The following PROM1 variants were observed in gnomAD, a reference collection of about 807,000 sequenced individuals.
PROM1 encodes the protein prominin 1.
Under a neutral mutation model 116.9 loss-of-function variants are expected in PROM1, and 105 were observed. The observed-to-expected ratio is 0.90, with a 90% confidence interval of 0.77 to 1.06. The LOEUF (loss-of-function observed/expected upper bound fraction) is 1.06. Ranked by LOEUF, PROM1 falls within the 50% of genes least tolerant of loss-of-function variation. PROM1 has a pLI of 0.00. For missense variants in PROM1, 1,122 were observed against 1,045.2 expected (o/e 1.07, Z -1.01); for synonymous variants, 393 against 387.0 (o/e 1.02, Z -0.18).
chr4:16,073,269 G>A (rs1008002107), intron 2 of PROM1, among the ~76,000 whole-genome samples: 2 of 152,184 alleles, frequency 1.3e-5, no homozygotes, highest in African/African-American at 2.4e-5. Context: ...GAAGTCTTGT[G>A]TTTGGTTAAT....
In PROM1 at chr4:15,990,793, C is replaced by A. The variant is rs117345434; in HGVS notation, c.1983+429G>T. On this transcript the variant is annotated intron_variant, in intron 18 of 27. Coordinates refer to ENST00000447510, the MANE Select transcript of PROM1 (RefSeq NM_006017.3). ...ACAGCTAACCATTGCCATGGCAACA[C>A]TGGGAAGTTACCACTCATTTTCTAG... Among the ~76,000 whole-genome samples the A allele has an allele frequency of 4.7e-3, 711 of 152,370 alleles. 28 individuals are homozygous for A. The East Asian group carries it at 0.11, about 23-fold the overall frequency.
intron 2 of PROM1, among the ~76,000 whole-genome samples, chr4:16,042,866 G>A (rs28658318): frequency 0.17 from 26,534 of 152,056 alleles, 3,552 homozygotes; most frequent in African/African-American, 0.37. Flanking sequence ...GTACCTCAAC[G>A]GGAGCAACCC....
intron 2 of PROM1, among the ~76,000 whole-genome samples, chr4:16,052,064 G>A (rs891938533): frequency 6.6e-6 from 1 of 152,298 alleles, no homozygotes; most frequent in African/African-American, 2.4e-5. Flanking sequence ...CAGCTTCTCT[G>A]TTGGATCTAT....
intron 24 of PROM1, 119 bp from the exon 25 acceptor site, chr4:15,980,023 AC>A: frequency 1.5e-6 from 1 of 667,214 alleles, no homozygotes; most frequent in Non-Finnish European, 2.5e-6. Context: ...CTCAGGAAAG[AC>A]CCATGTTGAA....
chr4:16,053,405 T>C (rs1238981229), intron 2 of PROM1, among the ~76,000 whole-genome samples: 2 of 152,242 alleles, frequency 1.3e-5, no homozygotes, highest in Non-Finnish European at 2.9e-5. Context: ...TGACTCAGTT[T>C]TGGAGAAAAA....
In PROM1 at chr4:16,029,360, GT is replaced by G. The variant is rs34482141; in HGVS notation, c.509+3943del. 3.4e-4 allele frequency among the ~76,000 whole-genome samples: 51 copies of G among 149,812 alleles called. No individual in the cohort carries two copies. In the South Asian group the frequency reaches 8.4e-3, roughly 25 times the overall value. On this transcript the variant is annotated intron_variant, in intron 5 of 27. Coordinates refer to ENST00000447510, the MANE Select transcript of PROM1 (RefSeq NM_006017.3). ...AACATACAAAGGAAGTCAAGTCATG[GT>G]TTTTTTTTTTCCTTCCATAACCTTT...
At position 15,989,901 on chromosome 4, in the gene PROM1, G is replaced by A. The variant is rs1176435599; in HGVS notation, c.1984-77C>T. 5.1e-6 allele frequency: 6 copies of A among 1,168,804 alleles called. No individual in the cohort carries two copies. The East Asian group carries it at 1.5e-4, about 30-fold the overall frequency. The allele number at this position is 1,168,804 out of a possible 1,614,324, so 72.4% of individuals were successfully genotyped here. A position where few individuals can be genotyped will look rare whatever the true frequency, so the allele number is the denominator to read the frequency against. On this transcript the variant is annotated intron_variant, in intron 18 of 27. Coordinates refer to ENST00000447510, the MANE Select transcript of PROM1 (RefSeq NM_006017.3). ...CACTCTCGCTATCCTCAGGGGCCCT[G>A]TGTAGCCAGGAGGGCTGCCATGACA...
intron 23 of PROM1, among the ~76,000 whole-genome samples, chr4:15,982,806 G>C (rs1718308888): frequency 6.6e-6 from 1 of 152,208 alleles, no homozygotes; most frequent in Non-Finnish European, 1.5e-5. Flanking sequence ...AAAAGTAGTT[G>C]CAAGAAGAAG....
At position 15,984,354 on chromosome 4, in the gene PROM1, A is replaced by C. The variant is rs1305285858; in HGVS notation, c.2282T>G (p.Ile761Ser). ...EHYLQWIEFSISEKVASCKPV... is the reference protein window; with the variant it reads ...EHYLQWIEFSSSEKVASCKPV... ...TTTGCACGATGCCACTTTCTCACTG[A>C]TCTAGGGGGGTGGAAACACAGGGAA... Residue 761 changes from isoleucine (I) to serine (S), a missense_variant and splice_region_variant, in exon 23 of 28, where the codon ATC becomes AGC. Transcript: ENST00000447510. 1 of 1,571,874 alleles carries C rather than the reference A, an allele frequency of 6.4e-7. No individual in the cohort carries two copies. Among genetic ancestry groups the C allele is most frequent in the Non-Finnish European group, 8.6e-7 (1 of 1,157,944 alleles).
chr4:16,025,073 C>A (rs17478392), intron 6 of PROM1, 119 bp downstream of exon 6: 10 of 1,225,938 alleles, frequency 8.2e-6, no homozygotes, highest in African/African-American at 1.5e-5. Context: ...ACAGATAACA[C>A]CAGTCTACGC....
chr4:16,000,605 C>T lies in PROM1; in HGVS notation c.1469G>A (p.Ser490Asn), dbSNP rs201027172. Residue 490 changes from serine (S) to asparagine (N), a missense_variant, in exon 14 of 28, where the codon AGT (serine) becomes AAT (asparagine). By Grantham distance (46) the Ser-to-Asn change is conservative. Coordinates refer to ENST00000447510, the MANE Select transcript of PROM1 (RefSeq NM_006017.3). ...GVFLMVGVGL[S>N]FLFCWILMII... is the part of the protein sequence containing the mutation. Reference sequence around the variant, plus strand: ...CATCAATATCCAGCAAAAGAGGAAACTTAATCCAACTCCACTGGAAAAAAA... The same window carrying T: ...CATCAATATCCAGCAAAAGAGGAAATTTAATCCAACTCCACTGGAAAAAAA... The T allele has an allele frequency of 9.7e-5, 152 of 1,567,146 alleles. 2 individuals are homozygous for T. In the African/African-American group the frequency reaches 1.9e-3, roughly 20 times the overall value.
intron 13 of PROM1, among the ~76,000 whole-genome samples, chr4:16,004,810 T>TCTTTCTTTCTTTCTTTC (rs1491303871): frequency 9.6e-4 from 78 of 81,256 alleles, no homozygotes; most frequent in African/African-American, 3.6e-3. Context: ...AGCTAATCTT[T>TCTTTCTTTCTTTCTTTC]CTTTCTTTCT....
At chr4:16,019,915 G>C (rs1829271) in intron 8 of PROM1, among the ~76,000 whole-genome samples, 11 of 152,020 alleles carry the variant, frequency 7.2e-5, no homozygotes, top group African/African-American at 2.7e-4. Context: ...AAATGTTTCC[G>C]TGTTGAGTCT....
At position 16,075,797 on chromosome 4, in the gene PROM1, G is replaced by C; in HGVS notation, c.110C>G (p.Pro37Arg). 1 of 1,613,780 alleles carries C rather than the reference G, an allele frequency of 6.2e-7. No homozygotes were observed. The highest frequency in any genetic ancestry group is 8.5e-7 in the Non-Finnish European group (1 of 1,179,836). Residue 37 changes from proline to arginine, a missense_variant, in exon 2 of 28, where the codon CCT (proline) becomes CGT (arginine). Transcript: ENST00000447510. Reference protein sequence around the residue: ...DAPKAWNYELPATNYETQDSH... With the variant: ...DAPKAWNYELRATNYETQDSH... ...GTCTTGGGTCTCATAATTTGTTGCA[G>C]GCAATTCATAATTCCAAGCCTTAGG... is the stretch of plus-strand genomic sequence containing the variant.
At chr4:16,024,479 T>C (rs1395286677) in intron 6 of PROM1, 121 bp from the exon 7 acceptor site, 1 of 764,570 alleles carries the variant, frequency 1.3e-6, no homozygotes, top group Non-Finnish European at 2.1e-6. Flanking sequence ...AACCAGCAAG[T>C]TCCTAGAAAC....
Position 16,035,779 on chromosome 4 carries a change from G to A in PROM1, c.277-18C>T, listed in dbSNP as rs1210679608. On this transcript the variant is annotated intron_variant, in intron 3 of 27. Coordinates refer to ENST00000447510, the MANE Select transcript of PROM1 (RefSeq NM_006017.3). ...GTTTCTGGCTGTAGAAGTCAACGCA[G>A]GTGAGGAATTTTGGCAGAGGCAGCA... 1.2e-6 allele frequency: 2 copies of A among 1,612,894 alleles called. No homozygotes were observed. The highest frequency in any genetic ancestry group is 8.5e-7 in the Non-Finnish European group (1 of 1,179,108).
intron 2 of PROM1, among the ~76,000 whole-genome samples, chr4:16,059,672 C>G (rs1392482343): frequency 6.6e-6 from 1 of 152,106 alleles, no homozygotes; most frequent in Non-Finnish European, 1.5e-5. Flanking sequence ...TCACTGCAGT[C>G]CAGCCTCAGT....
At chr4:16,061,432 A>G (rs1554243) in intron 2 of PROM1, among the ~76,000 whole-genome samples, 104,414 of 152,028 alleles carry the variant, frequency 0.69, 36,507 homozygotes, top group Non-Finnish European at 0.76. Context: ...GAATCTTCAT[A>G]ATTAAATAGA....
intron 1 of PROM1, among the ~76,000 whole-genome samples, chr4:16,079,108 G>T (rs2149603269): frequency 6.6e-6 from 1 of 151,886 alleles, no homozygotes; most frequent in Non-Finnish European, 1.5e-5. Context: ...TTTGCTAAAG[G>T]ACAGGCAGAG....
Sources: allele counts gnomAD v4.1 joint callset (sites outside exome capture counted in the v4.1 genomes callset), GRCh38; gene constraint gnomAD v4.1.1; transcripts MANE v1.5; gene names NCBI Gene and HGNC (gene_info 2026-07-23, HGNC 2026-07-21).